The following SNTG2 variants were observed in gnomAD, a reference collection of about 807,000 sequenced individuals.
SNTG2 encodes gamma-2-syntrophin.
In SNTG2, 74 loss-of-function variants were observed where a neutral mutation model predicts 70.9. The observed-to-expected ratio is 1.04, with a 90% confidence interval of 0.86 to 1.27. The LOEUF (loss-of-function observed/expected upper bound fraction) is 1.27. Among genes scored for constraint, SNTG2 ranks in the 50% most tolerant of loss-of-function variants. The probability of loss-of-function intolerance (pLI) is 0.00; values close to 1 mark genes in which losing one functional copy is unlikely to be tolerated. For synonymous variants in SNTG2, 278 were observed against 273.8 expected, an observed-to-expected ratio of 1.02 and a Z score of -0.15; for missense variants, 717 against 690.7, an observed-to-expected ratio of 1.04 and a Z score of -0.43.
chr2:1,265,233 C>G (rs1488487502), intron 13 of SNTG2, among the ~76,000 whole-genome samples: 1 of 152,194 alleles, frequency 6.6e-6, no homozygotes, highest in Non-Finnish European at 1.5e-5. Flanking sequence ...CCTATAGGTT[C>G]CAGGTATCCC....
intron 4 of SNTG2, among the ~76,000 whole-genome samples, chr2:1,136,413 A>G (rs1008161566): frequency 2.6e-5 from 4 of 151,822 alleles, no homozygotes; most frequent in Non-Finnish European, 5.9e-5. Flanking sequence ...CCACCAATGC[A>G]TGGGCCACAG....
At chr2:1,264,428 G>A (rs1015397491) in intron 13 of SNTG2, among the ~76,000 whole-genome samples, 2 of 152,122 alleles carry the variant, frequency 1.3e-5, no homozygotes, top group African/African-American at 2.4e-5. Context: ...TCCCTCCTTC[G>A]TGTTGAGTCC....
chr2:1,311,189 A>G (rs1680971582), intron 15 of SNTG2, among the ~76,000 whole-genome samples: 1 of 152,210 alleles, frequency 6.6e-6, no homozygotes, highest in Admixed American at 6.5e-5. Context: ...ACTTTGTGTA[A>G]AGATTCAATG....
chr2:964,766 C>T (rs1660469934), intron 1 of SNTG2, among the ~76,000 whole-genome samples: 1 of 152,186 alleles, frequency 6.6e-6, no homozygotes, highest in South Asian at 2.1e-4. Context: ...GCGGGTCCCG[C>T]CCTGTGCCAG....
chr2:1,168,970 G>A (rs768820881), intron 7 of SNTG2, among the ~76,000 whole-genome samples: 6 of 152,266 alleles, frequency 3.9e-5, no homozygotes, highest in East Asian at 3.9e-4. Context: ...TTTGAGAAAC[G>A]TTGCTGTGAG....
At chr2:1,077,893 G>A (rs923836820) in intron 1 of SNTG2, among the ~76,000 whole-genome samples, 2 of 152,002 alleles carry the variant, frequency 1.3e-5, no homozygotes, top group Admixed American at 1.3e-4. Context: ...CTCCAGGGAT[G>A]TCATACACCC....
At chr2:1,205,174 A>G (rs1673554629) in intron 8 of SNTG2, among the ~76,000 whole-genome samples, 1 of 152,228 alleles carries the variant, frequency 6.6e-6, no homozygotes, top group Non-Finnish European at 1.5e-5. Context: ...GTGTCCATAC[A>G]TACATGCCTT....
intron 9 of SNTG2, among the ~76,000 whole-genome samples, chr2:1,232,667 T>C (rs1046013194): frequency 6.6e-6 from 1 of 152,212 alleles, no homozygotes; most frequent in African/African-American, 2.4e-5. Context: ...TTATTAATAT[T>C]TAATATGGAC....
At chr2:977,187 T>C (rs1350080124) in intron 1 of SNTG2, among the ~76,000 whole-genome samples, 1 of 152,272 alleles carries the variant, frequency 6.6e-6, no homozygotes, top group East Asian at 1.9e-4. Context: ...GCTGTAAGTA[T>C]ATATAATCCA....
At chr2:1,036,870 T>A (rs904377945) in intron 1 of SNTG2, among the ~76,000 whole-genome samples, 6 of 152,236 alleles carry the variant, frequency 3.9e-5, no homozygotes, top group African/African-American at 1.4e-4. Flanking sequence ...TCTCTCTCTC[T>A]GCGTCTTATT....
chr2:1,231,909 T>C (rs1157226106), intron 9 of SNTG2, among the ~76,000 whole-genome samples: 4 of 152,236 alleles, frequency 2.6e-5, no homozygotes, highest in African/African-American at 7.2e-5. Flanking sequence ...CCCTCTGTGC[T>C]GAGGCCCTCA....
At chr2:1,268,587 T>C (rs1045409395) in intron 14 of SNTG2, among the ~76,000 whole-genome samples, 1 of 152,226 alleles carries the variant, frequency 6.6e-6, no homozygotes, top group Non-Finnish European at 1.5e-5. Flanking sequence ...ATTGGAATTA[T>C]GGTTGATTCC....
chr2:1,105,695 C>T (rs1383123155), intron 4 of SNTG2, among the ~76,000 whole-genome samples: 1 of 152,310 alleles, frequency 6.6e-6, no homozygotes, highest in Middle Eastern at 3.4e-3. Flanking sequence ...GATTCTTCCT[C>T]AGGACCCTGC....
At chr2:1,271,907 C>T (rs888636055) in intron 14 of SNTG2, among the ~76,000 whole-genome samples, 2 of 151,930 alleles carry the variant, frequency 1.3e-5, no homozygotes, top group African/African-American at 2.4e-5. Flanking sequence ...ATTGGCTTCT[C>T]GTCAAGGAAA....
chr2:965,057 T>G (rs963846189), intron 1 of SNTG2, among the ~76,000 whole-genome samples: 20 of 149,446 alleles, frequency 1.3e-4, no homozygotes, highest in African/African-American at 4.9e-4. Flanking sequence ...TCCTTGGCCC[T>G]GAATCCTCCT....
chr2:1,333,358 G>A (rs1471926900), intron 16 of SNTG2, among the ~76,000 whole-genome samples: 1 of 152,132 alleles, frequency 6.6e-6, no homozygotes, highest in Non-Finnish European at 1.5e-5. Flanking sequence ...TCAATACTGT[G>A]AAAATGACTA....
intron 16 of SNTG2, among the ~76,000 whole-genome samples, chr2:1,352,515 G>A (rs1660637869): frequency 6.6e-6 from 1 of 152,186 alleles, no homozygotes; most frequent in South Asian, 2.1e-4. Flanking sequence ...CCCTGCGAGT[G>A]TAAACTCAGT....
chr2:995,855 A>G (rs916355465), intron 1 of SNTG2, among the ~76,000 whole-genome samples: 2 of 152,190 alleles, frequency 1.3e-5, no homozygotes, highest in Non-Finnish European at 2.9e-5. Context: ...CAACTTCCCC[A>G]TAGTATGTGG....
chr2:1,143,413 C>T (rs900753254), intron 6 of SNTG2, among the ~76,000 whole-genome samples: 6 of 151,976 alleles, frequency 3.9e-5, no homozygotes, highest in South Asian at 2.1e-4. Flanking sequence ...TTTAAGCAGC[C>T]CTCTGCCCTT....
Sources: gnomAD v4.1 joint callset for allele counts (sites outside exome capture counted in the v4.1 genomes callset) on GRCh38, gnomAD v4.1.1 for gene constraint, MANE v1.5 for transcripts, NCBI Gene and HGNC (gene_info 2026-07-23, HGNC 2026-07-21) for gene names.